The following MMP16 variants were observed in gnomAD, a reference collection of about 807,000 sequenced individuals.
MMP16 encodes the protein matrix metalloproteinase-16.
Under a neutral mutation model 67.8 loss-of-function variants are expected in MMP16, and 12 were observed. That is an observed-to-expected ratio of 0.18 (90% CI 0.11 to 0.29). The LOEUF (loss-of-function observed/expected upper bound fraction) is 0.29. Ranked by LOEUF, MMP16 falls within the 10% of genes least tolerant of loss-of-function variation. The probability of loss-of-function intolerance (pLI) is 1.00; values close to 1 mark genes in which losing one functional copy is unlikely to be tolerated. For missense variants in MMP16, 475 were observed against 765.7 expected, an observed-to-expected ratio of 0.62 and a Z score of 4.48; for synonymous variants, 249 against 255.9, an observed-to-expected ratio of 0.97 and a Z score of 0.26.
chr8:88,103,693 G>A (rs1184656138), intron 6 of MMP16, among the ~76,000 whole-genome samples: 3 of 151,674 alleles, frequency 2.0e-5, no homozygotes, highest in Non-Finnish European at 4.4e-5. Flanking sequence ...GACAAACTTT[G>A]CTATATGACA....
At chr8:88,078,119 C>T (rs1467826876) in intron 6 of MMP16, among the ~76,000 whole-genome samples, 3 of 151,966 alleles carry the variant, frequency 2.0e-5, no homozygotes, top group African/African-American at 7.3e-5. Context: ...TCTCCTCTCC[C>T]TCTCCTTCTC....
chr8:88,120,771 A>G (rs1807816358), intron 4 of MMP16, among the ~76,000 whole-genome samples: 1 of 151,956 alleles, frequency 6.6e-6, no homozygotes, highest in Non-Finnish European at 1.5e-5. Context: ...GCCTTCTTTT[A>G]GCAAAACTGA....
Position 88,033,514 on chromosome 8 carries a change from A to C in MMP16, c.*7947T>G, listed in dbSNP as rs893580270. Reference sequence around the variant, plus strand: ...GGTCAATAATTGATTCTTTTAAAAAAGCATCAACCAACTATGAACTAATTA... The same window carrying C: ...GGTCAATAATTGATTCTTTTAAAAACGCATCAACCAACTATGAACTAATTA... On this transcript the variant is annotated 3_prime_UTR_variant, in exon 10 of 10. Transcript: ENST00000286614. 3 of 151,890 alleles carry C rather than the reference A, an allele frequency of 2.0e-5. No homozygotes were observed. The highest frequency in any genetic ancestry group is 7.2e-5 in the African/African-American group (3 of 41,412). 9.4% of individuals were successfully genotyped at this position (151,890 alleles called of 1,614,324 possible).
At chr8:88,236,524 AG>A (rs1380043132) in intron 1 of MMP16, among the ~76,000 whole-genome samples, 1 of 152,058 alleles carries the variant, frequency 6.6e-6, no homozygotes, top group Non-Finnish European at 1.5e-5. Flanking sequence ...TGGAGGCTGA[AG>A]GGGGCAGATT....
intron 6 of MMP16, among the ~76,000 whole-genome samples, chr8:88,077,557 T>C (rs1272037655): frequency 6.6e-6 from 1 of 152,152 alleles, no homozygotes; most frequent in Non-Finnish European, 1.5e-5. Context: ...CTCCACTAAA[T>C]ATATAAGCTC....
At chr8:88,227,946 A>G (rs1586215278) in intron 1 of MMP16, among the ~76,000 whole-genome samples, 1 of 152,232 alleles carries the variant, frequency 6.6e-6, no homozygotes, top group Non-Finnish European at 1.5e-5. Context: ...CAGCAAATGG[A>G]AAGCTGCAGA....
intron 6 of MMP16, among the ~76,000 whole-genome samples, chr8:88,098,955 TAAACTGCCA>T (rs1809083138): frequency 6.6e-6 from 1 of 151,782 alleles, no homozygotes; most frequent in African/African-American, 2.4e-5. Flanking sequence ...GTTATTTGCC[TAAACTGCCA>T]TAATTATAGC....
chr8:88,034,105 T>A lies in MMP16; in HGVS notation c.*7356A>T, dbSNP rs994770038. The A allele has an allele frequency of 9.9e-5, 15 of 151,980 alleles. No individual in the cohort carries two copies. The highest frequency in any genetic ancestry group is 1.9e-4 in the Non-Finnish European group (13 of 67,938). The allele number at this position is 151,980 out of a possible 1,614,324, so 9.4% of individuals were successfully genotyped here. ...GAGAGGTTGGGATGTATGTCAACTT[T>A]GCTGGGACTGTCTTTGCATGGAAGT... On this transcript the variant is annotated 3_prime_UTR_variant, in exon 10 of 10. Coordinates refer to ENST00000286614, the MANE Select transcript of MMP16 (RefSeq NM_005941.5).
intron 9 of MMP16, among the ~76,000 whole-genome samples, chr8:88,046,046 A>G (rs1335639340): frequency 6.6e-6 from 1 of 152,180 alleles, no homozygotes; most frequent in African/African-American, 2.4e-5. Context: ...TACATTTCAT[A>G]TATGCCAACA....
chr8:88,125,948 G>A (rs1401449775), intron 4 of MMP16, among the ~76,000 whole-genome samples: 1 of 151,768 alleles, frequency 6.6e-6, no homozygotes, highest in Non-Finnish European at 1.5e-5. Flanking sequence ...TTAAAAAAAA[G>A]TAATCACATA....
At chr8:88,107,313 A>T (rs1449794679) in intron 6 of MMP16, among the ~76,000 whole-genome samples, 1 of 151,146 alleles carries the variant, frequency 6.6e-6, no homozygotes, top group African/African-American at 2.4e-5. Flanking sequence ...GTCTTCTTAT[A>T]AATGAATATC....
intron 1 of MMP16, among the ~76,000 whole-genome samples, chr8:88,261,591 T>G (rs1810389179): frequency 6.6e-6 from 1 of 151,978 alleles, no homozygotes; most frequent in Non-Finnish European, 1.5e-5. Flanking sequence ...CCCTTCAGAC[T>G]CTATAAACCA....
At chr8:88,165,050 G>T (rs1352789934) in intron 4 of MMP16, among the ~76,000 whole-genome samples, 1 of 151,226 alleles carries the variant, frequency 6.6e-6, no homozygotes, top group Non-Finnish European at 1.5e-5. Flanking sequence ...TTTATTTTCA[G>T]AGTGTTGGTT....
intron 2 of MMP16, among the ~76,000 whole-genome samples, chr8:88,196,530 ATGAT>A (rs1438799719): frequency 6.6e-6 from 1 of 152,170 alleles, no homozygotes; most frequent in Non-Finnish European, 1.5e-5. Flanking sequence ...AAATAAGTGA[ATGAT>A]TGATGAACCA....
At chr8:88,188,087 G>A (rs1168970740) in intron 2 of MMP16, among the ~76,000 whole-genome samples, 1 of 152,160 alleles carries the variant, frequency 6.6e-6, no homozygotes, top group Non-Finnish European at 1.5e-5. Flanking sequence ...ACACTCAAGA[G>A]AAGGGGTTTT....
chr8:88,104,081 A>G (rs1348682610), intron 6 of MMP16, among the ~76,000 whole-genome samples: 1 of 151,734 alleles, frequency 6.6e-6, no homozygotes, highest in Non-Finnish European at 1.5e-5. Flanking sequence ...CTTCACCATC[A>G]CTTAATATAT....
chr8:88,100,454 G>A lies in MMP16; in HGVS notation c.1083+16053C>T, dbSNP rs1025347813. On this transcript the variant is annotated intron_variant, in intron 6 of 9. Transcript: ENST00000286614. The stretch of plus-strand genomic sequence containing the variant: ...ACCATCTCACACCAGTTAGAATGGC[G>A]ATCATTAAAAAGTCAGGAAACAACA... 1.4e-4 allele frequency among the ~76,000 whole-genome samples: 22 copies of A among 151,912 alleles called. 1 individual carries two copies. Among genetic ancestry groups the A allele is most frequent in the South Asian group, 4.1e-4 (2 of 4,820 alleles).
At chr8:88,105,175 A>G (rs1809216521) in intron 6 of MMP16, among the ~76,000 whole-genome samples, 1 of 145,232 alleles carries the variant, frequency 6.9e-6, no homozygotes, top group African/African-American at 2.5e-5. Flanking sequence ...TACCTTAGCT[A>G]TCATTAGGCA....
intron 4 of MMP16, among the ~76,000 whole-genome samples, chr8:88,164,505 G>A (rs1213504547): frequency 1.3e-5 from 2 of 152,048 alleles, no homozygotes; most frequent in African/African-American, 4.8e-5. Flanking sequence ...TACTCTAGCT[G>A]CCCTGCTGTT....
Sources: gnomAD v4.1 joint callset for allele counts (sites outside exome capture counted in the v4.1 genomes callset) on GRCh38, gnomAD v4.1.1 for gene constraint, MANE v1.5 for transcripts, NCBI Gene and HGNC (gene_info 2026-07-23, HGNC 2026-07-21) for gene names.